The following MSR1 variants were observed in gnomAD, a reference collection of about 807,000 sequenced individuals.
MSR1 encodes the protein macrophage scavenger receptor types I and II.
In MSR1, 53 loss-of-function variants were observed where a neutral mutation model predicts 47.2. The observed-to-expected ratio is 1.12, with a 90% CI of 0.90 to 1.41. The LOEUF (loss-of-function observed/expected upper bound fraction) is 1.41, where lower values mean the gene tolerates loss of function less well. Among genes scored for constraint, MSR1 ranks in the 40% most tolerant of loss-of-function variants. The pLI is 0.00. For synonymous variants in MSR1, 239 were observed against 185.6 expected (o/e 1.29, Z -2.34); for missense variants, 786 against 546.9 (o/e 1.44, Z -4.36).
chr8:16,177,942 C>T lies in MSR1; in HGVS notation c.47G>A (p.Ser16Asn). The change falls in exon 2 of 10, where the codon AGC becomes AAC. Residue 16 changes from serine to asparagine, a missense_variant. Ser to Asn is a conservative substitution (Grantham distance 46, BLOSUM62 1). Coordinates refer to ENST00000262101, the MANE Select transcript of MSR1 (RefSeq NM_138715.3). Reference sequence around the variant, plus strand: ...ATCAAATTTCACAGATTCGGAGCAGCTATCAGTGTCCTCCTGTTGATTGTG... The same window carrying T: ...ATCAAATTTCACAGATTCGGAGCAGTTATCAGTGTCCTCCTGTTGATTGTG... ...HFHNQQEDTD[S>N]CSESVKFDAR... The T allele has an allele frequency of 6.2e-7, 1 of 1,613,964 alleles. No homozygotes were observed. The highest frequency in any genetic ancestry group is 2.2e-5 in the East Asian group (1 of 44,844).
chr8:16,130,824 T>C (rs965132823), intron 8 of MSR1, among the ~76,000 whole-genome samples: 1 of 152,076 alleles, frequency 6.6e-6, no homozygotes, highest in South Asian at 2.1e-4. Context: ...TTCTTTTGTA[T>C]GGCTGCATGG....
intron 7 of MSR1, among the ~76,000 whole-genome samples, chr8:16,148,038 A>G (rs990623702): frequency 6.6e-6 from 1 of 152,128 alleles, no homozygotes; most frequent in Non-Finnish European, 1.5e-5. Flanking sequence ...AACACCTACA[A>G]TAGTTTTAGA....
At chr8:16,131,440 A>AGTTTTTTTTTGTTT (rs1800254193) in intron 8 of MSR1, among the ~76,000 whole-genome samples, 2 of 79,670 alleles carry the variant, frequency 2.5e-5, no homozygotes, top group African/African-American at 1.2e-4. Flanking sequence ...CTCTGTTGAT[A>AGTTTTTTTTTGTTT]GTTTTTTTTT....
intron 9 of MSR1, among the ~76,000 whole-genome samples, chr8:16,114,259 A>C (rs933700577): frequency 3.3e-5 from 5 of 152,014 alleles, no homozygotes; most frequent in African/African-American, 1.2e-4. Flanking sequence ...TCACATAGAA[A>C]ATTGATTATG....
chr8:16,127,139 G>T (rs1800147556), intron 8 of MSR1, among the ~76,000 whole-genome samples: 1 of 152,096 alleles, frequency 6.6e-6, no homozygotes, highest in African/African-American at 2.4e-5. Flanking sequence ...AGAATCCCAA[G>T]GAGAACTTTT....
chr8:16,131,438 A>T lies in MSR1; in HGVS notation c.1034-10832T>A, dbSNP rs1339241398. Among the ~76,000 whole-genome samples the T allele has an allele frequency of 5.7e-3, 551 of 96,016 alleles. 9 individuals are homozygous for T. Among genetic ancestry groups the T allele is most frequent in the African/African-American group, 0.021 (487 of 23,276 alleles). The allele number at this position is 96,016 out of a possible 152,430, so 63.0% of individuals were successfully genotyped here. On this transcript the variant is annotated intron_variant, in intron 8 of 9. Coordinates refer to ENST00000262101, the MANE Select transcript of MSR1 (RefSeq NM_138715.3). ...TTCTATGTATCTGTTTACTCTGTTG[A>T]TAGTTTTTTTTTTTTTTTTTTTTTT...
intron 3 of MSR1, among the ~76,000 whole-genome samples, chr8:16,172,177 T>C (rs571973122): frequency 1.3e-5 from 2 of 152,312 alleles, no homozygotes; most frequent in African/African-American, 2.4e-5. Flanking sequence ...CTCAACCATA[T>C]ACTTTTACTT....
At chr8:16,165,511 A>AT (rs1801279720) in intron 4 of MSR1, among the ~76,000 whole-genome samples, 1 of 151,806 alleles carries the variant, frequency 6.6e-6, no homozygotes. Context: ...TCTGGTAATA[A>AT]TTTTTGTCTC....
intron 8 of MSR1, among the ~76,000 whole-genome samples, chr8:16,126,834 G>C (rs544444903): frequency 2.0e-5 from 3 of 152,242 alleles, no homozygotes; most frequent in African/African-American, 7.2e-5. Context: ...TGGGATTACA[G>C]ACATGAGCCA....
chr8:16,130,597 T>C (rs1002522526), intron 8 of MSR1, among the ~76,000 whole-genome samples: 4 of 152,086 alleles, frequency 2.6e-5, no homozygotes, highest in Non-Finnish European at 5.9e-5. Context: ...GTAATAAGCA[T>C]AGCAGCTGAG....
At chr8:16,148,653 G>A (rs1345414599) in intron 7 of MSR1, among the ~76,000 whole-genome samples, 1 of 151,946 alleles carries the variant, frequency 6.6e-6, no homozygotes, top group Non-Finnish European at 1.5e-5. Flanking sequence ...AGGTTGGCCA[G>A]GCTGGTCTTG....
chr8:16,140,835 G>A lies in MSR1; in HGVS notation c.1033+2723C>T, dbSNP rs1280628484. On this transcript the variant is annotated intron_variant, in intron 8 of 9. Coordinates refer to ENST00000262101, the MANE Select transcript of MSR1 (RefSeq NM_138715.3). ...GAGCAGAGGCCCAAACAGCACCAGG[G>A]ACCAGGAGAGAAGGCCATGTGGAAG... 4 of 1,561,170 alleles carry A rather than the reference G, an allele frequency of 2.6e-6. No homozygotes were observed. The African/African-American group carries it at 4.1e-5, about 16-fold the overall frequency.
chr8:16,166,967 A>ACACG (rs1554471535), intron 4 of MSR1, among the ~76,000 whole-genome samples: 59 of 151,504 alleles, frequency 3.9e-4, no homozygotes, highest in African/African-American at 1.4e-3. Flanking sequence ...ACACACACAC[A>ACACG]CATGCACGCA....
chr8:16,148,089 C>T (rs113735361), intron 7 of MSR1, among the ~76,000 whole-genome samples: 3 of 152,094 alleles, frequency 2.0e-5, no homozygotes, highest in African/African-American at 4.8e-5. Flanking sequence ...TTTAGTCCAG[C>T]GCTAACAAAC....
At position 16,189,446 on chromosome 8, in the gene MSR1, TAAAATC is replaced by T. The variant is rs1220307479; in HGVS notation, c.-5+3146_-5+3151del. ...TATATAAAATCATATTTTATATATA[TAAAATC>T]TTATTTTATATATATTTTATATATT... On this transcript the variant is annotated intron_variant, in intron 1 of 9. Transcript: ENST00000262101. Among the ~76,000 whole-genome samples, 23 of 86,942 alleles carry T rather than the reference TAAAATC, an allele frequency of 2.6e-4. 1 individual carries two copies. The highest frequency in any genetic ancestry group is 4.7e-4 in the African/African-American group (8 of 17,118). 57.0% of individuals were successfully genotyped at this position (86,942 alleles called of 152,430 possible). A position where few individuals can be genotyped will look rare whatever the true frequency, so the allele number is the denominator to read the frequency against.
chr8:16,115,498 G>C (rs1332277639), intron 9 of MSR1, among the ~76,000 whole-genome samples: 2 of 152,146 alleles, frequency 1.3e-5, no homozygotes, highest in African/African-American at 4.8e-5. Flanking sequence ...AATAATGTAA[G>C]CCTGTCTCTT....
chr8:16,173,135 T>C (rs979323542), intron 3 of MSR1, among the ~76,000 whole-genome samples: 2 of 152,248 alleles, frequency 1.3e-5, no homozygotes, highest in Non-Finnish European at 2.9e-5. Context: ...TAGTCAATTT[T>C]AGTCGGTACC....
rs568707667 is a variant in MSR1 at position 16,180,334 on chromosome 8, T to C, written c.-4-2342A>G. ...GTCTCTTTAACATGTATCAGAAACA[T>C]TGGAAAGGTTTGATAAAAAGAAACT... On this transcript the variant is annotated intron_variant, in intron 1 of 9. Transcript: ENST00000262101. Among the ~76,000 whole-genome samples, 23 of 152,276 alleles carry C rather than the reference T, an allele frequency of 1.5e-4. No homozygotes were observed. In the South Asian group the frequency reaches 2.9e-3, roughly 19 times the overall value.
chr8:16,179,904 G>C (rs1390615144), intron 1 of MSR1, among the ~76,000 whole-genome samples: 4 of 90,210 alleles, frequency 4.4e-5, no homozygotes, highest in Non-Finnish European at 9.9e-5. Context: ...AAAAAAAAAA[G>C]TATTTATTTA....
Sources: gnomAD v4.1 joint callset for allele counts (sites outside exome capture counted in the v4.1 genomes callset) on GRCh38, gnomAD v4.1.1 for gene constraint, MANE v1.5 for transcripts, NCBI Gene and HGNC (gene_info 2026-07-23, HGNC 2026-07-21) for gene names.